Variants in TOGARAM2 observed in about 807,000 individuals in gnomAD.
TOGARAM2 encodes the protein TOG array regulator of axonemal microtubules protein 2.
In TOGARAM2, 85 loss-of-function variants were observed where a neutral mutation model predicts 93.3. The observed-to-expected ratio is 0.91, with a 90% CI of 0.76 to 1.09. The LOEUF is 1.09. Among genes scored for constraint, TOGARAM2 ranks in the 50% least tolerant of loss-of-function variants. The pLI is 0.00. For missense variants in TOGARAM2, 1,277 were observed against 1,334.5 expected, an observed-to-expected ratio of 0.96 and a Z score of 0.67; for synonymous variants, 593 against 552.8, an observed-to-expected ratio of 1.07 and a Z score of -1.02.
In TOGARAM2 at chr2:29,051,784, G is replaced by A. The variant is rs1296262622; in HGVS notation, c.2751G>A (p.Lys917=). 10 of 1,533,118 alleles carry A rather than the reference G, an allele frequency of 6.5e-6. No individual in the cohort carries two copies. Among genetic ancestry groups the A allele is most frequent in the Middle Eastern group, 1.7e-4 (1 of 5,930 alleles). The allele number at this position is 1,533,118 out of a possible 1,614,324, so 95.0% of individuals were successfully genotyped here. Residue 917 remains lysine, a synonymous_variant, in exon 20 of 20, where the codon AAG becomes AAA. Transcript: ENST00000379558. ...AVLVASVYPR[K]PQAVERHVLP... ...TGGTGGCCTCAGTTTACCCCCGGAA[G>A]CCTCAAGCTGTAGAGCGGCATGTCC...
chr2:29,016,744 C>T (rs190181831), intron 8 of TOGARAM2, among the ~76,000 whole-genome samples: 1 of 152,164 alleles, frequency 6.6e-6, no homozygotes, highest in Non-Finnish European at 1.5e-5. Context: ...CCAGTGTCCA[C>T]CCCCTGACTG....
rs778502447 is a variant in TOGARAM2 at position 29,032,949 on chromosome 2, G to A, written c.2028G>A (p.Lys676=). ...CCTGTGGCAGATTTTATGGCCGGAA[G>A]ATGGTGAATATCTTGATGGCGAACA... ...SNQDTRFYGR[K]MVNILMANTK... is the part of the protein sequence containing the mutation. Residue 676 remains lysine (K), a synonymous_variant, in exon 15 of 20, where the codon AAG becomes AAA. Transcript: ENST00000379558. 6.2e-7 allele frequency: 1 copy of A among 1,613,736 alleles called. No homozygotes were observed. The highest frequency in any genetic ancestry group is 8.5e-7 in the Non-Finnish European group (1 of 1,179,786).
intron 18 of TOGARAM2, among the ~76,000 whole-genome samples, chr2:29,040,124 C>G (rs72859165): frequency 0.018 from 2,717 of 152,294 alleles, 71 homozygotes; most frequent in African/African-American, 0.056. Flanking sequence ...TGGTGCTCCT[C>G]CAATATACCA....
At chr2:28,961,651 T>C (rs1558391497) in intron 1 of TOGARAM2, among the ~76,000 whole-genome samples, 1 of 152,200 alleles carries the variant, frequency 6.6e-6, no homozygotes, top group Non-Finnish European at 1.5e-5. Flanking sequence ...TGAGGTGTAA[T>C]TTATAATCAA....
rs1673175772 is a variant in TOGARAM2 at position 28,999,535 on chromosome 2, G to A, written c.427+67G>A. ...AGGTCAAGGGCCGCAGGCCTCCAGGGCTGTGAGGGTCAGCAGGCTTCCAGG... is the reference window on the plus strand; with the variant it reads ...AGGTCAAGGGCCGCAGGCCTCCAGGACTGTGAGGGTCAGCAGGCTTCCAGG... On this transcript the variant is annotated intron_variant, in intron 4 of 19. Transcript: ENST00000379558. 1.5e-5 allele frequency: 23 copies of A among 1,485,566 alleles called. No homozygotes were observed. The South Asian group carries it at 2.7e-4, about 17-fold the overall frequency. The allele number at this position is 1,485,566 out of a possible 1,614,324, so 92.0% of individuals were successfully genotyped here. A position where few individuals can be genotyped will look rare whatever the true frequency, so the allele number is the denominator to read the frequency against.
chr2:29,052,151 CT>C lies in TOGARAM2; in HGVS notation c.*59del. The C allele has an allele frequency of 2.9e-6, 4 of 1,358,820 alleles. No individual in the cohort carries two copies. Among genetic ancestry groups the C allele is most frequent in the Non-Finnish European group, 3.9e-6 (4 of 1,018,604 alleles). The allele number at this position is 1,358,820 out of a possible 1,614,324, so 84.2% of individuals were successfully genotyped here. ...CTTATTTTTTTGATGGACTATTCTCCTGGTTACTTTCCCCCTTAGAGTTCCA... is the reference window on the plus strand; with the variant it reads ...CTTATTTTTTTGATGGACTATTCTCCGGTTACTTTCCCCCTTAGAGTTCCA... On this transcript the variant is annotated 3_prime_UTR_variant, in exon 20 of 20. Coordinates refer to ENST00000379558, the MANE Select transcript of TOGARAM2 (RefSeq NM_199280.4).
At chr2:28,975,170 C>T (rs1445784035) in intron 1 of TOGARAM2, among the ~76,000 whole-genome samples, 6 of 150,086 alleles carry the variant, frequency 4.0e-5, no homozygotes, top group African/African-American at 7.4e-5. Flanking sequence ...TTTGCTGAGA[C>T]GTTTTATTTT....
Position 29,025,504 on chromosome 2 carries a change from T to C in TOGARAM2, c.1853+1130T>C, listed in dbSNP as rs550282409. ...AGATAATGGATAAAAGGTGCTGGCA[T>C]GGAGGGACAGGCAATTGATCACTGT... On this transcript the variant is annotated intron_variant, in intron 13 of 19. Coordinates refer to ENST00000379558, the MANE Select transcript of TOGARAM2 (RefSeq NM_199280.4). Among the ~76,000 whole-genome samples the C allele has an allele frequency of 3.3e-5, 5 of 152,254 alleles. No homozygotes were observed. In the South Asian group the frequency reaches 1.0e-3, roughly 32 times the overall value.
intron 19 of TOGARAM2, chr2:29,050,646 A>G (rs1667009149): frequency 6.6e-6 from 1 of 152,176 alleles, no homozygotes; most frequent in African/African-American, 2.4e-5. Context: ...ACTGTTTTCC[A>G]CAGAATTCCC....
chr2:28,979,850 T>G (rs1672110453), upstream of TOGARAM2, among the ~76,000 whole-genome samples: 3 of 152,274 alleles, frequency 2.0e-5, no homozygotes, highest in South Asian at 6.2e-4. Context: ...AAGCTCCGAC[T>G]CAAGCAGCGA....
intron 18 of TOGARAM2, among the ~76,000 whole-genome samples, chr2:29,044,325 T>A (rs1483606973): frequency 6.6e-6 from 1 of 152,186 alleles, no homozygotes; most frequent in Admixed American, 6.5e-5. Flanking sequence ...GGTCTGAGAC[T>A]CAGACCACCT....
intron 1 of TOGARAM2, among the ~76,000 whole-genome samples, chr2:28,959,463 A>G (rs890948959): frequency 3.3e-5 from 5 of 152,154 alleles, no homozygotes; most frequent in Non-Finnish European, 7.3e-5. Context: ...AAGTTAAAAG[A>G]ATAGTATAGG....
In TOGARAM2 at chr2:29,019,361, G is replaced by T. The variant is rs568138737; in HGVS notation, c.1360+1405G>T. ...AATTTCTGTATTTTAGTAGAGATGGGGTTTCACCATATTGGCCAGGCTGGT... is the reference window on the plus strand; with the variant it reads ...AATTTCTGTATTTTAGTAGAGATGGTGTTTCACCATATTGGCCAGGCTGGT... On this transcript the variant is annotated intron_variant, in intron 10 of 19. Coordinates refer to ENST00000379558, the MANE Select transcript of TOGARAM2 (RefSeq NM_199280.4). 1.2e-4 allele frequency among the ~76,000 whole-genome samples: 19 copies of T among 152,036 alleles called. No homozygotes were observed. The South Asian group carries it at 4.0e-3, about 32-fold the overall frequency.
intron 19 of TOGARAM2, chr2:29,045,626 G>A: frequency 1.8e-6 from 1 of 554,040 alleles, no homozygotes; most frequent in Non-Finnish European, 3.2e-6. Flanking sequence ...TTGTACAAAA[G>A]CAAAAGTGTT....
At chr2:28,977,583 G>A (rs982792014), upstream of TOGARAM2, among the ~76,000 whole-genome samples, 6 of 152,134 alleles carry the variant, frequency 3.9e-5, no homozygotes, top group Admixed American at 2.6e-4. Flanking sequence ...TTCTTATGCC[G>A]CCAGCCACTT....
intron 6 of TOGARAM2, among the ~76,000 whole-genome samples, chr2:29,006,762 C>G (rs1057251939): frequency 6.6e-6 from 1 of 152,122 alleles, no homozygotes; most frequent in African/African-American, 2.4e-5. Flanking sequence ...TTTTCACCGT[C>G]AGCCTCCTCA....
At chr2:28,960,977 C>T (rs1418233022) in intron 1 of TOGARAM2, among the ~76,000 whole-genome samples, 1 of 152,206 alleles carries the variant, frequency 6.6e-6, no homozygotes, top group African/African-American at 2.4e-5. Flanking sequence ...CATACCGGAA[C>T]ACACCAAGAG....
chr2:28,986,170 C>T (rs7602523), intron 1 of TOGARAM2, among the ~76,000 whole-genome samples: 64,213 of 150,908 alleles, frequency 0.43, 14,998 homozygotes, highest in Middle Eastern at 0.56. Context: ...AGGATGCCCT[C>T]GTGCAGTGCC....
chr2:29,043,591 C>G (rs956627137), intron 18 of TOGARAM2, among the ~76,000 whole-genome samples: 14 of 152,188 alleles, frequency 9.2e-5, no homozygotes, highest in African/African-American at 3.1e-4. Flanking sequence ...CATAGGCCAC[C>G]TGCCCTCACC....
Sources: allele counts gnomAD v4.1 joint callset (sites outside exome capture counted in the v4.1 genomes callset), GRCh38; gene constraint gnomAD v4.1.1; transcripts MANE v1.5; gene names NCBI Gene and HGNC (gene_info 2026-07-23, HGNC 2026-07-21).